The following NHSL3 variants were observed in gnomAD, a reference collection of about 807,000 sequenced individuals.
The protein encoded by NHSL3 is NHS like 3, also known as NHS-like protein 3.
chr1:32,746,185 C>T, the NHSL3 span, among the ~76,000 whole-genome samples: 545 of 144,668 alleles, frequency 3.8e-3, 3 homozygotes, highest in Middle Eastern at 0.025. Context: ...GAGCCGAGAT[C>T]GCGTCACTGC....
the NHSL3 span, among the ~76,000 whole-genome samples, chr1:32,742,540 AC>A: frequency 6.6e-6 from 1 of 152,198 alleles, no homozygotes; most frequent in African/African-American, 2.4e-5. Context: ...CAGAGACTTA[AC>A]GCTGGCCTGT....
the NHSL3 span, among the ~76,000 whole-genome samples, chr1:32,758,494 C>T: frequency 6.6e-6 from 1 of 152,040 alleles, no homozygotes; most frequent in East Asian, 1.9e-4. Context: ...CTCCTCCATT[C>T]CCCCCATGTC....
At chr1:32,756,271 A>G in the NHSL3 span, among the ~76,000 whole-genome samples, 1 of 152,166 alleles carries the variant, frequency 6.6e-6, no homozygotes, top group Non-Finnish European at 1.5e-5. Flanking sequence ...TAATCACAGG[A>G]TTGAAATTAG....
the NHSL3 span, chr1:32,770,002 C>G: frequency 6.2e-7 from 1 of 1,602,868 alleles, no homozygotes; most frequent in Non-Finnish European, 8.5e-7. The surrounding 1 kb of genome is among the most constrained non-coding windows in gnomAD (Gnocchi z 8.3). Context: ...CCGGGTGTCC[C>G]TGCAGGCGCT....
At chr1:32,771,308 C>T in the NHSL3 span, 27 of 1,600,010 alleles carry the variant, frequency 1.7e-5, no homozygotes, top group African/African-American at 2.7e-5. Flanking sequence ...CCTCCCACTC[C>T]CCAGACAACC....
chr1:32,769,253 CA>C, the NHSL3 span, among the ~76,000 whole-genome samples: 3 of 146,382 alleles, frequency 2.0e-5, no homozygotes, highest in African/African-American at 5.0e-5. Context: ...GACTCCATCT[CA>C]AAAAAAAAAT....
the NHSL3 span, among the ~76,000 whole-genome samples, chr1:32,747,358 A>G: frequency 6.6e-6 from 1 of 151,938 alleles, no homozygotes; most frequent in African/African-American, 2.4e-5. Flanking sequence ...TATTTTTAGT[A>G]GAGATGGGGT....
the NHSL3 span, among the ~76,000 whole-genome samples, chr1:32,742,628 A>ATGT: frequency 6.6e-6 from 1 of 152,222 alleles, no homozygotes; most frequent in Non-Finnish European, 1.5e-5. Flanking sequence ...GCACTCACAA[A>ATGT]GAGTTTCAGC....
chr1:32,766,874 G>C, the NHSL3 span, among the ~76,000 whole-genome samples: 1 of 152,170 alleles, frequency 6.6e-6, no homozygotes, highest in Non-Finnish European at 1.5e-5. Flanking sequence ...CTTTGTAATG[G>C]ATCCCTGGCT....
chr1:32,746,893 G>T, the NHSL3 span, among the ~76,000 whole-genome samples: 16 of 152,178 alleles, frequency 1.1e-4, no homozygotes, highest in African/African-American at 3.9e-4. Flanking sequence ...CCTCCTGAGG[G>T]TTTCTCTTGT....
the NHSL3 span, among the ~76,000 whole-genome samples, chr1:32,753,702 AG>A: frequency 6.6e-6 from 1 of 152,210 alleles, no homozygotes; most frequent in African/African-American, 2.4e-5. Context: ...GGTGGGCTCT[AG>A]CGGCAGCAGG....
At chr1:32,750,762 T>C in the NHSL3 span, among the ~76,000 whole-genome samples, 2 of 151,962 alleles carry the variant, frequency 1.3e-5, no homozygotes, top group African/African-American at 4.8e-5. Flanking sequence ...CGCCTCAGCC[T>C]TCCAAAGTGC....
At chr1:32,768,183 T>G in the NHSL3 span, 1 of 1,109,748 alleles carries the variant, frequency 9.0e-7, no homozygotes, top group Non-Finnish European at 1.4e-6. Flanking sequence ...AAGGATGTCT[T>G]GGAACATTTC....
At chr1:32,772,148 A>T in the NHSL3 span, 26 of 1,613,330 alleles carry the variant, frequency 1.6e-5, no homozygotes, top group South Asian at 2.7e-4. Flanking sequence ...GTGTCCCCTG[A>T]GACCCAGGCT....
At chr1:32,759,100 C>G in the NHSL3 span, among the ~76,000 whole-genome samples, 1 of 152,200 alleles carries the variant, frequency 6.6e-6, no homozygotes, top group Non-Finnish European at 1.5e-5. Flanking sequence ...GGCTCACATC[C>G]TGCCTCTGCC....
At chr1:32,764,037 T>C in the NHSL3 span, among the ~76,000 whole-genome samples, 1 of 151,992 alleles carries the variant, frequency 6.6e-6, no homozygotes, top group Non-Finnish European at 1.5e-5. Flanking sequence ...TTTTCAAAGT[T>C]TTTTGTAGAG....
At chr1:32,768,937 T>C in the NHSL3 span, 2 of 900,750 alleles carry the variant, frequency 2.2e-6, no homozygotes, top group Non-Finnish European at 1.6e-6. Context: ...ACACACTAAC[T>C]ATAAAGCAGT....
chr1:32,770,833 C>A, the NHSL3 span: 1 of 1,605,474 alleles, frequency 6.2e-7, no homozygotes, highest in South Asian at 1.1e-5. This position sits in a 1 kb window ranked among gnomAD's most constrained non-coding sequence, Gnocchi z 8.3. Flanking sequence ...ACCCTGTCCA[C>A]CCAACCCAGC....
chr1:32,773,849 A>G, the NHSL3 span: 3 of 152,714 alleles, frequency 2.0e-5, no homozygotes, highest in Non-Finnish European at 2.9e-5. Flanking sequence ...TCCACACTTC[A>G]TTCTCTGACC....
Sources: gnomAD v4.1 joint callset for allele counts (sites outside exome capture counted in the v4.1 genomes callset) on GRCh38, gnomAD v4.1.1 for gene constraint, Gnocchi (gnomAD v3.1) non-coding constraint, MANE v1.5 for transcripts, NCBI Gene and HGNC (gene_info 2026-07-23, HGNC 2026-07-21) for gene names.